FAM149A: variants seen among roughly 807,000 people sequenced by gnomAD.
FAM149A encodes family with sequence similarity 149 member A, also known as protein FAM149A.
In FAM149A, 71 loss-of-function variants were observed where a neutral mutation model predicts 78.2. The observed-to-expected ratio is 0.91, with a 90% CI of 0.75 to 1.11. The LOEUF (loss-of-function observed/expected upper bound fraction) is 1.11. Ranked by LOEUF, FAM149A falls within the 50% of genes least tolerant of loss-of-function variation. FAM149A has a pLI of 0.00. For missense variants in FAM149A, 1,036 were observed against 971.0 expected, an observed-to-expected ratio of 1.07 and a Z score of -0.89; for synonymous variants, 446 against 410.5, an observed-to-expected ratio of 1.09 and a Z score of -1.04.
intron 1 of FAM149A, among the ~76,000 whole-genome samples, chr4:186,108,427 A>T (rs1579753212): frequency 9.3e-6 from 1 of 107,590 alleles, no homozygotes; most frequent in South Asian, 3.1e-4. Flanking sequence ...AAAAAAAAAC[A>T]AAAAACTAAA....
intron 6 of FAM149A, chr4:186,154,995 C>T (rs1010885255): frequency 2.1e-6 from 2 of 957,444 alleles, no homozygotes; most frequent in Admixed American, 1.2e-4. Flanking sequence ...CGGAGTCTCG[C>T]TCTGTCGCCC....
At chr4:186,128,124 G>T (rs1297617285) in intron 1 of FAM149A, among the ~76,000 whole-genome samples, 2 of 150,518 alleles carry the variant, frequency 1.3e-5, no homozygotes, top group African/African-American at 4.9e-5. Flanking sequence ...CCGAGTAGTT[G>T]TGGTGACAGG....
Position 186,157,942 on chromosome 4 carries a change from T to C in FAM149A, c.1575+223T>C, listed in dbSNP as rs553631594. On this transcript the variant is annotated intron_variant, in intron 8 of 13. Coordinates refer to ENST00000389354, the MANE Select transcript of FAM149A (RefSeq NM_001367768.3). The stretch of plus-strand genomic sequence containing the variant: ...CTGCCTATGAAGGACGAGGATGTGC[T>C]CAAGTTCCTTGCGGTAGGAGCCCAC... 15 of 1,527,806 alleles carry C rather than the reference T, an allele frequency of 9.8e-6. No homozygotes were observed. In the East Asian group the frequency reaches 3.2e-4, roughly 33 times the overall value. 94.6% of individuals were successfully genotyped at this position (1,527,806 alleles called of 1,614,324 possible).
intron 4 of FAM149A, among the ~76,000 whole-genome samples, chr4:186,152,895 A>G (rs985442714): frequency 3.3e-5 from 5 of 152,114 alleles, no homozygotes; most frequent in African/African-American, 1.2e-4. Flanking sequence ...GGGACAGTTT[A>G]TCAAAGTTAC....
At chr4:186,152,657 G>T (rs1311463769) in intron 4 of FAM149A, among the ~76,000 whole-genome samples, 1 of 144,306 alleles carries the variant, frequency 6.9e-6, no homozygotes, top group Non-Finnish European at 1.5e-5. Context: ...CCATCCTCCT[G>T]CCTCAGCCTC....
rs557121612 is a variant in FAM149A at position 186,127,633 on chromosome 4, C to G, written c.567-21540C>G. Reference sequence around the variant, plus strand: ...GCAGTTATATTCCTTACTCTTCAGACAAGCAAGAATAAGGGAATGTGTGTG... The same window carrying G: ...GCAGTTATATTCCTTACTCTTCAGAGAAGCAAGAATAAGGGAATGTGTGTG... On this transcript the variant is annotated intron_variant, in intron 1 of 13. Coordinates refer to ENST00000389354, the MANE Select transcript of FAM149A (RefSeq NM_001367768.3). The G allele has an allele frequency of 4.1e-6, 4 of 985,440 alleles. No homozygotes were observed. In the East Asian group the frequency reaches 4.5e-4, roughly 112 times the overall value. The allele number at this position is 985,440 out of a possible 1,614,324, so 61.0% of individuals were successfully genotyped here.
intron 1 of FAM149A, chr4:186,117,557 G>A (rs945131972): frequency 4.1e-6 from 4 of 985,326 alleles, no homozygotes; most frequent in East Asian, 1.1e-4. Flanking sequence ...GGCTTGGGAG[G>A]GCACTGTCGG....
At chr4:186,156,565 T>C (rs1362904755) in intron 7 of FAM149A, among the ~76,000 whole-genome samples, 1 of 152,008 alleles carries the variant, frequency 6.6e-6, no homozygotes, top group Non-Finnish European at 1.5e-5. Context: ...TCCCAGCTAC[T>C]CGGGAGGCTG....
chr4:186,116,504 G>A, intron 1 of FAM149A: 1 of 985,254 alleles, frequency 1.0e-6, no homozygotes, highest in South Asian at 4.7e-5. Context: ...TCCATATCGA[G>A]TATTTGCTTA....
chr4:186,147,242 G>A (rs1238480828), intron 1 of FAM149A, among the ~76,000 whole-genome samples: 1 of 152,174 alleles, frequency 6.6e-6, no homozygotes, highest in East Asian at 1.9e-4. Flanking sequence ...AGTTAGCCAA[G>A]CATGGTGGTA....
At position 186,163,453 on chromosome 4, in the gene FAM149A, G is replaced by A. The variant is rs1734774247; in HGVS notation, c.1709G>A (p.Gly570Glu). 3 of 1,613,760 alleles carry A rather than the reference G, an allele frequency of 1.9e-6. No homozygotes were observed. The South Asian group carries it at 3.3e-5, about 18-fold the overall frequency. ...GAGAAGGAGGACAAAGCATCGGGTG[G>A]AGGGGCAGGTGCTCTCTCCTCCGCA... The change falls in exon 10 of 14, where the codon GGA becomes GAA. Residue 570 changes from glycine to glutamate, a missense_variant. By Grantham distance (98) the Gly-to-Glu change is moderately conservative. Transcript: ENST00000389354.
chr4:186,155,810 A>G lies in FAM149A; in HGVS notation c.1230-190A>G, dbSNP rs143897634. Among the ~76,000 whole-genome samples the G allele has an allele frequency of 1.9e-3, 293 of 152,298 alleles. 1 individual carries two copies. Among genetic ancestry groups the G allele is most frequent in the African/African-American group, 6.6e-3 (276 of 41,570 alleles). ...AAAAAAAAGAAAGATCAATGAAACC[A>G]GGAGTTGGTTTCTTGTTTTTATTCA... On this transcript the variant is annotated intron_variant, in intron 6 of 13. Coordinates refer to ENST00000389354, the MANE Select transcript of FAM149A (RefSeq NM_001367768.3).
chr4:186,165,792 C>T (rs1434687098), intron 11 of FAM149A, among the ~76,000 whole-genome samples: 1 of 152,114 alleles, frequency 6.6e-6, no homozygotes, highest in African/African-American at 2.4e-5. Flanking sequence ...CCGCGTGGAT[C>T]CTGCCACAGA....
At position 186,144,263 on chromosome 4, in the gene FAM149A, C is replaced by G. The variant is rs556660138; in HGVS notation, c.567-4910C>G. The G allele has an allele frequency of 6.6e-6, 1 of 152,298 alleles. No individual in the cohort carries two copies. The highest frequency in any genetic ancestry group is 2.1e-4 in the South Asian group (1 of 4,824). 9.4% of individuals were successfully genotyped at this position (152,298 alleles called of 1,614,324 possible). A position where few individuals can be genotyped will look rare whatever the true frequency, so the allele number is the denominator to read the frequency against. On this transcript the variant is annotated intron_variant, in intron 1 of 13. Coordinates refer to ENST00000389354, the MANE Select transcript of FAM149A (RefSeq NM_001367768.3). This position sits in a 1 kb window ranked among gnomAD's most constrained non-coding sequence, Gnocchi z 4.2. ...TAATCCTGGGCCTCCAAAACTGAAACGAGCACATGGTAACGCAAGCGGCAG... is the reference window on the plus strand; with the variant it reads ...TAATCCTGGGCCTCCAAAACTGAAAGGAGCACATGGTAACGCAAGCGGCAG...
At chr4:186,113,968 T>G (rs1235857655) in intron 1 of FAM149A, among the ~76,000 whole-genome samples, 1 of 151,002 alleles carries the variant, frequency 6.6e-6, no homozygotes, top group Non-Finnish European at 1.5e-5. Context: ...TCTGTCTCGT[T>G]GATCTGTCTA....
At chr4:186,139,533 T>C (rs1398521258) in intron 1 of FAM149A, among the ~76,000 whole-genome samples, 1 of 152,162 alleles carries the variant, frequency 6.6e-6, no homozygotes, top group East Asian at 1.9e-4. Context: ...CTAGGAAGCA[T>C]GGAGCCGGCA....
chr4:186,158,069 G>A (rs773377456), intron 8 of FAM149A: 3 of 1,366,366 alleles, frequency 2.2e-6, no homozygotes, highest in Non-Finnish European at 2.9e-6. Flanking sequence ...CCTGGGAGAA[G>A]CTGCTGCTGG....
At chr4:186,158,905 C>T (rs1323438696) in intron 8 of FAM149A, 1 of 595,158 alleles carries the variant, frequency 1.7e-6, no homozygotes, top group Non-Finnish European at 2.1e-6. Context: ...AAATAAACAT[C>T]AGTTTCTATT....
intron 1 of FAM149A, among the ~76,000 whole-genome samples, chr4:186,124,802 T>C (rs2099317611): frequency 6.6e-6 from 1 of 152,154 alleles, no homozygotes; most frequent in African/African-American, 2.4e-5. Flanking sequence ...CTGGGTCAAA[T>C]GGTATTTCTA....
Sources: allele counts gnomAD v4.1 joint callset (sites outside exome capture counted in the v4.1 genomes callset), GRCh38; gene constraint gnomAD v4.1.1; non-coding constraint Gnocchi (gnomAD v3.1); transcripts MANE v1.5; gene names NCBI Gene and HGNC (gene_info 2026-07-23, HGNC 2026-07-21).